Variants in PTPRM observed in about 807,000 individuals in gnomAD.
PTPRM encodes the protein protein tyrosine phosphatase receptor type M.
PTPRM carries 47 observed loss-of-function variants against 186.7 expected under a neutral mutation model. That is an observed-to-expected ratio of 0.25 (90% CI 0.20 to 0.32). The LOEUF is 0.32. PTPRM is among the 10% of genes least tolerant of loss of function. PTPRM has a pLI of 1.00. For missense variants in PTPRM, 1,494 were observed against 1,865.0 expected, an observed-to-expected ratio of 0.80 and a Z score of 3.66; for synonymous variants, 668 against 674.9, an observed-to-expected ratio of 0.99 and a Z score of 0.16.
chr18:7,663,703 A>C (rs1231893690), intron 1 of PTPRM, among the ~76,000 whole-genome samples: 1 of 152,226 alleles, frequency 6.6e-6, no homozygotes, highest in Non-Finnish European at 1.5e-5. Context: ...GCCATTAAAC[A>C]TACTGAAATA....
rs142141268 is a variant in PTPRM at position 8,112,771 on chromosome 18, C to T, written c.1857-715C>T. 3.6e-3 allele frequency among the ~76,000 whole-genome samples: 553 copies of T among 152,274 alleles called. 3 individuals carry two copies. The highest frequency in any genetic ancestry group is 0.012 in the African/African-American group (512 of 41,538). ...ATGAGCGGGTACCAGAGACCTACTC[C>T]TTAGTGGGGCTGTCATCCTTGCAGG... On this transcript the variant is annotated intron_variant, in intron 11 of 32. Coordinates refer to ENST00000580170, the MANE Select transcript of PTPRM (RefSeq NM_001105244.2).
chr18:8,370,963 A>T lies in PTPRM; in HGVS notation c.3128A>T (p.Glu1043Val), dbSNP rs551645103. ...ATTAAAGTTACCCTAATAGAAACAG[A>T]ACTACTGGCAGAATATGTGATAAGA... ...KDIKVTLIET[E>V]LLAEYVIRTF... is the part of the protein sequence containing the mutation. Residue 1043 changes from glutamate (E) to valine (V), a missense_variant, in exon 24 of 33, where the codon GAA becomes GTA. This residue lies in a region of PTPRM where 1,107 missense variants were observed against 1,350.2 expected (regional missense o/e 0.82). Coordinates refer to ENST00000580170, the MANE Select transcript of PTPRM (RefSeq NM_001105244.2). 2 of 1,605,702 alleles carry T rather than the reference A, an allele frequency of 1.2e-6. No homozygotes were observed. Among genetic ancestry groups the T allele is most frequent in the East Asian group, 2.2e-5 (1 of 44,724 alleles).
intron 2 of PTPRM, among the ~76,000 whole-genome samples, chr18:7,779,536 T>C (rs1171327232): frequency 6.6e-6 from 1 of 152,218 alleles, no homozygotes; most frequent in Admixed American, 6.5e-5. Flanking sequence ...GGAAGGAAGA[T>C]GGATTGACAG....
intron 1 of PTPRM, among the ~76,000 whole-genome samples, chr18:7,675,925 C>T (rs552567475): frequency 5.7e-4 from 86 of 152,110 alleles, no homozygotes; most frequent in African/African-American, 1.8e-3. Context: ...TTAGTAGAGA[C>T]GAAGTTTCAC....
At chr18:7,976,919 G>GTT (rs377745578) in intron 7 of PTPRM, among the ~76,000 whole-genome samples, 2 of 137,684 alleles carry the variant, frequency 1.5e-5, no homozygotes, top group Non-Finnish European at 1.6e-5. Context: ...GAAACTTGCT[G>GTT]TTTTTTTTTT....
At chr18:7,937,385 G>A (rs1396048912) in intron 5 of PTPRM, among the ~76,000 whole-genome samples, 5 of 152,190 alleles carry the variant, frequency 3.3e-5, no homozygotes, top group African/African-American at 1.2e-4. Context: ...CTTGCAGGGA[G>A]CTGGTGCCCA....
chr18:8,073,531 A>G (rs535667249), intron 8 of PTPRM, among the ~76,000 whole-genome samples: 2 of 152,334 alleles, frequency 1.3e-5, no homozygotes, highest in South Asian at 2.1e-4. Context: ...TGTTGCTTCA[A>G]TGTAGTCGTA....
At chr18:7,657,981 A>G (rs556149619) in intron 1 of PTPRM, among the ~76,000 whole-genome samples, 6 of 152,288 alleles carry the variant, frequency 3.9e-5, no homozygotes, top group South Asian at 4.1e-4. Context: ...ACATATATAC[A>G]TTGTGAAATG....
intron 14 of PTPRM, among the ~76,000 whole-genome samples, chr18:8,229,502 T>C (rs1230087612): frequency 2.6e-5 from 4 of 152,204 alleles, no homozygotes; most frequent in Admixed American, 2.6e-4. Flanking sequence ...ATAAAAATTA[T>C]TTAACATATA....
chr18:8,000,484 T>G (rs144702232), intron 7 of PTPRM, among the ~76,000 whole-genome samples: 341 of 152,334 alleles, frequency 2.2e-3, no homozygotes, highest in Middle Eastern at 0.01. Context: ...TGTATTTGAA[T>G]AACAGAATTC....
chr18:7,951,317 C>A (rs1471088127), intron 6 of PTPRM, among the ~76,000 whole-genome samples: 2 of 152,056 alleles, frequency 1.3e-5, no homozygotes, highest in East Asian at 1.9e-4. Context: ...TAATTTTCAT[C>A]TTGGTTCATT....
At chr18:8,367,445 G>A (rs141945500) in intron 23 of PTPRM, among the ~76,000 whole-genome samples, 1 of 152,372 alleles carries the variant, frequency 6.6e-6, no homozygotes, top group African/African-American at 2.4e-5. Context: ...GCACCGTGCC[G>A]AGCAGTTGAG....
At chr18:7,589,747 A>G (rs1366499858) in intron 1 of PTPRM, among the ~76,000 whole-genome samples, 4 of 152,230 alleles carry the variant, frequency 2.6e-5, no homozygotes, top group African/African-American at 4.8e-5. Context: ...TAATAATTAA[A>G]TGAACACTAA....
intron 7 of PTPRM, among the ~76,000 whole-genome samples, chr18:7,965,133 CCTCCCAGTTACAA>C (rs1197022338): frequency 6.6e-6 from 1 of 151,462 alleles, no homozygotes; most frequent in East Asian, 1.9e-4. Flanking sequence ...GCAACCTCCG[CCTCCCAGTTACAA>C]GCGATTCTTC....
intron 1 of PTPRM, among the ~76,000 whole-genome samples, chr18:7,726,912 G>A (rs559310407): frequency 1.2e-3 from 180 of 152,282 alleles, no homozygotes; most frequent in African/African-American, 3.6e-3. Context: ...GAGAAAGTGC[G>A]TAAGTGAAAA....
intron 1 of PTPRM, among the ~76,000 whole-genome samples, chr18:7,758,369 T>C (rs533132654): frequency 2.8e-4 from 42 of 152,256 alleles, no homozygotes; most frequent in Non-Finnish European, 4.6e-4. Flanking sequence ...TCAGTAACCT[T>C]TAAAGAAACA....
chr18:8,402,526 G>A (rs1442677710), intron 32 of PTPRM, among the ~76,000 whole-genome samples: 2 of 152,180 alleles, frequency 1.3e-5, no homozygotes, highest in Admixed American at 1.3e-4. Flanking sequence ...TAAAAGGATG[G>A]CTCTGAGTAG....
At chr18:7,831,923 C>T (rs2145729652) in intron 2 of PTPRM, among the ~76,000 whole-genome samples, 1 of 152,286 alleles carries the variant, frequency 6.6e-6, no homozygotes, top group Middle Eastern at 3.4e-3. Context: ...ATAATGTCCT[C>T]CAGTTCCATC....
intron 14 of PTPRM, among the ~76,000 whole-genome samples, chr18:8,159,609 A>G (rs2093188991): frequency 6.6e-6 from 1 of 152,140 alleles, no homozygotes; most frequent in African/African-American, 2.4e-5. Context: ...GACACCTGGG[A>G]TTTAGTGCTT....
Sources: allele counts gnomAD v4.1 joint callset (sites outside exome capture counted in the v4.1 genomes callset), GRCh38; gene constraint gnomAD v4.1.1; regional missense constraint gnomAD v4.1.1; transcripts MANE v1.5; gene names NCBI Gene and HGNC (gene_info 2026-07-23, HGNC 2026-07-21).